The following PTPRN2 variants were observed in gnomAD, a reference collection of about 807,000 sequenced individuals.
PTPRN2 encodes receptor-type tyrosine-protein phosphatase N2.
PTPRN2 carries 74 observed loss-of-function variants against 118.8 expected under a neutral mutation model. The ratio of observed to expected loss-of-function variants is 0.62; its 90% CI spans 0.52 to 0.76. The LOEUF (loss-of-function observed/expected upper bound fraction) is 0.76, where lower values mean the gene tolerates loss of function less well. Among genes scored for constraint, PTPRN2 ranks in the 30% least tolerant of loss-of-function variants. The pLI, the probability that PTPRN2 is intolerant of heterozygous loss-of-function variation, is 0.00. For synonymous variants in PTPRN2, 641 were observed against 608.0 expected, an observed-to-expected ratio of 1.05 and a Z score of -0.80; for missense variants, 1,481 against 1,394.4, an observed-to-expected ratio of 1.06 and a Z score of -0.99.
At chr7:158,344,851 A>G (rs1387218456) in intron 2 of PTPRN2, among the ~76,000 whole-genome samples, 1 of 152,206 alleles carries the variant, frequency 6.6e-6, no homozygotes, top group Non-Finnish European at 1.5e-5. Context: ...CAGCTTGTGC[A>G]TCTGTTTCCC....
At chr7:158,379,887 C>T (rs1810831869) in intron 2 of PTPRN2, among the ~76,000 whole-genome samples, 2 of 152,030 alleles carry the variant, frequency 1.3e-5, no homozygotes, top group South Asian at 2.1e-4. Flanking sequence ...TGGTGGAAGG[C>T]AAAGAGGAGC....
At chr7:158,294,226 G>A (rs776870650) in intron 3 of PTPRN2, among the ~76,000 whole-genome samples, 3 of 152,132 alleles carry the variant, frequency 2.0e-5, no homozygotes, top group Admixed American at 1.3e-4. Flanking sequence ...TGCTGCTGGT[G>A]GAAACATTGT....
chr7:158,472,498 C>T (rs1733133), intron 2 of PTPRN2, among the ~76,000 whole-genome samples: 106,037 of 152,122 alleles, frequency 0.7, 37,152 homozygotes, highest in Admixed American at 0.78. Context: ...TATTACTTTA[C>T]GCCATTTCAG....
intron 17 of PTPRN2, among the ~76,000 whole-genome samples, chr7:157,578,726 CAA>C (rs1800188849): frequency 6.6e-6 from 1 of 152,198 alleles, no homozygotes; most frequent in Non-Finnish European, 1.5e-5. Flanking sequence ...ACACAATAAA[CAA>C]AAGCACATTT....
chr7:158,191,942 C>T (rs1316111466), intron 5 of PTPRN2, among the ~76,000 whole-genome samples: 1 of 152,148 alleles, frequency 6.6e-6, no homozygotes, highest in Non-Finnish European at 1.5e-5. Context: ...TTCATGGCCC[C>T]TCAGTCTACC....
chr7:158,499,451 G>T (rs965837341), intron 1 of PTPRN2, among the ~76,000 whole-genome samples: 3 of 152,094 alleles, frequency 2.0e-5, no homozygotes, highest in African/African-American at 7.2e-5. Context: ...TTGTTTTCTG[G>T]ATCCAAATTC....
At chr7:157,723,462 G>A (rs940371986) in intron 12 of PTPRN2, among the ~76,000 whole-genome samples, 7 of 152,216 alleles carry the variant, frequency 4.6e-5, no homozygotes, top group East Asian at 3.9e-4. Context: ...TGTGGCTCTC[G>A]GCCCCGTGCC....
chr7:158,351,931 G>A (rs1217835481), intron 2 of PTPRN2, among the ~76,000 whole-genome samples: 9 of 108,196 alleles, frequency 8.3e-5, no homozygotes, highest in African/African-American at 3.1e-4. Context: ...CCTCCTGTCC[G>A]CTCCCCTCCT....
chr7:158,469,263 G>T (rs1024152834), intron 2 of PTPRN2, among the ~76,000 whole-genome samples: 5 of 152,220 alleles, frequency 3.3e-5, no homozygotes, highest in African/African-American at 1.2e-4. Context: ...CCAACATGGT[G>T]AAATCCTGTC....
intron 2 of PTPRN2, among the ~76,000 whole-genome samples, chr7:158,468,875 AC>A (rs1237851250): frequency 6.6e-6 from 1 of 151,972 alleles, no homozygotes; most frequent in Non-Finnish European, 1.5e-5. Flanking sequence ...GAGTATGCAC[AC>A]CCACACACAC....
At chr7:157,947,037 A>T (rs1800530396) in intron 11 of PTPRN2, among the ~76,000 whole-genome samples, 1 of 152,196 alleles carries the variant, frequency 6.6e-6, no homozygotes, top group Non-Finnish European at 1.5e-5. Context: ...TGTGCTGCTT[A>T]GCTCAGACAG....
intron 12 of PTPRN2, among the ~76,000 whole-genome samples, chr7:157,895,112 A>AAATGGCCAGAGGGTCTG (rs1163159546): frequency 3.3e-5 from 5 of 152,316 alleles, no homozygotes; most frequent in Non-Finnish European, 4.4e-5. Context: ...GAAGACTAGG[A>AAATGGCCAGAGGGTCTG]AACGGCCAGA....
At chr7:158,136,792 G>T in intron 7 of PTPRN2, 97 bp from the exon 8 acceptor site, 1 of 1,136,292 alleles carries the variant, frequency 8.8e-7, no homozygotes, top group Non-Finnish European at 1.3e-6. Context: ...CCCTCCATAC[G>T]AAAGGTGAGG....
chr7:157,576,474 G>T (rs1800045058), intron 19 of PTPRN2, 139 bp downstream of exon 19: 1 of 883,660 alleles, frequency 1.1e-6, no homozygotes. Flanking sequence ...CCCGCCTCTC[G>T]CTTCCCTTCC....
chr7:157,930,940 C>T (rs1312485023), intron 11 of PTPRN2, among the ~76,000 whole-genome samples: 1 of 152,138 alleles, frequency 6.6e-6, no homozygotes, highest in Non-Finnish European at 1.5e-5. Flanking sequence ...CAGCTTCCCG[C>T]TGTAGCAGCT....
At chr7:158,569,395 G>C (rs1586958113) in intron 1 of PTPRN2, among the ~76,000 whole-genome samples, 1 of 152,232 alleles carries the variant, frequency 6.6e-6, no homozygotes. Flanking sequence ...CTCACAGGAC[G>C]AGGGCCAGAC....
chr7:157,597,098 A>T (rs1801388130), intron 16 of PTPRN2, among the ~76,000 whole-genome samples: 1 of 152,156 alleles, frequency 6.6e-6, no homozygotes, highest in South Asian at 2.1e-4. Context: ...GCACCTTATA[A>T]TTATGTTCAC....
intron 12 of PTPRN2, among the ~76,000 whole-genome samples, chr7:157,737,189 C>G (rs554251442): frequency 6.6e-6 from 1 of 152,232 alleles, no homozygotes; most frequent in Admixed American, 6.5e-5. Flanking sequence ...CACGTTGCTC[C>G]CCGATTTTAT....
intron 11 of PTPRN2, among the ~76,000 whole-genome samples, chr7:158,053,976 T>TGC (rs1809564706): frequency 5.6e-5 from 4 of 71,718 alleles, no homozygotes; most frequent in Admixed American, 2.9e-4. Context: ...GCAGAGACCC[T>TGC]AGAGACGCAG....
Sources: allele counts gnomAD v4.1 joint callset (sites outside exome capture counted in the v4.1 genomes callset), GRCh38; gene constraint gnomAD v4.1.1; transcripts MANE v1.5; gene names NCBI Gene and HGNC (gene_info 2026-07-23, HGNC 2026-07-21).